Variants in PALM observed in about 807,000 individuals in gnomAD.
PALM encodes paralemmin-1.
Under a neutral mutation model 30.7 loss-of-function variants are expected in PALM, and 18 were observed. The ratio of observed to expected loss-of-function variants is 0.59; its 90% CI spans 0.41 to 0.87. The LOEUF (loss-of-function observed/expected upper bound fraction) is 0.87. Among genes scored for constraint, PALM ranks in the 40% least tolerant of loss-of-function variants. The probability of loss-of-function intolerance (pLI) is 0.00; values close to 1 mark genes in which losing one functional copy is unlikely to be tolerated. For synonymous variants in PALM, 286 were observed against 242.8 expected, an observed-to-expected ratio of 1.18 and a Z score of -1.66; for missense variants, 529 against 555.4, an observed-to-expected ratio of 0.95 and a Z score of 0.48.
chr19:743,069 G>T (rs1225709493), intron 8 of PALM, among the ~76,000 whole-genome samples: 1 of 152,152 alleles, frequency 6.6e-6, no homozygotes, highest in African/African-American at 2.4e-5. Flanking sequence ...CATTCTCGTG[G>T]CTGTCCTGGT....
chr19:721,675 G>GT (rs1394580031), intron 1 of PALM, among the ~76,000 whole-genome samples: 1 of 151,458 alleles, frequency 6.6e-6, no homozygotes, highest in Non-Finnish European at 1.5e-5. Context: ...TCGGCTCACC[G>GT]TGACTTCTGC....
rs2033367313 is a variant in PALM at position 746,962 on chromosome 19, G to A, written c.*148G>A. The A allele has an allele frequency of 1.6e-6, 1 of 623,248 alleles. No individual in the cohort carries two copies. Among genetic ancestry groups the A allele is most frequent in the Non-Finnish European group, 2.8e-6 (1 of 359,042 alleles). 38.6% of individuals were successfully genotyped at this position (623,248 alleles called of 1,614,324 possible). A position where few individuals can be genotyped will look rare whatever the true frequency, so the allele number is the denominator to read the frequency against. Reference sequence around the variant, plus strand: ...TGTTCCTTCCGAGTTTTCTTTCGCTGGAAAGAGGGACAGGGGCCCCCACCC... The same window carrying A: ...TGTTCCTTCCGAGTTTTCTTTCGCTAGAAAGAGGGACAGGGGCCCCCACCC... On this transcript the variant is annotated 3_prime_UTR_variant, in exon 9 of 9. Coordinates refer to ENST00000338448, the MANE Select transcript of PALM (RefSeq NM_002579.3). This position sits in a 1 kb window ranked among gnomAD's most constrained non-coding sequence, Gnocchi z 7.1.
intron 8 of PALM, among the ~76,000 whole-genome samples, chr19:741,152 A>G (rs879146025): frequency 6.6e-6 from 1 of 152,076 alleles, no homozygotes; most frequent in East Asian, 1.9e-4. Context: ...AGAATAAAAA[A>G]TAATAATAAA....
intron 7 of PALM, 184 bp downstream of exon 7, chr19:736,262 T>G (rs1402785774): frequency 3.8e-6 from 2 of 530,844 alleles, no homozygotes; most frequent in Non-Finnish European, 6.6e-6. Flanking sequence ...GGGGGCCCCC[T>G]CTGCTTTGTT....
intron 1 of PALM, chr19:711,106 T>C: frequency 1.4e-6 from 1 of 717,288 alleles, no homozygotes; most frequent in African/African-American, 1.9e-5. Flanking sequence ...TTTAAAGAAT[T>C]TTAAATGTCA....
Position 746,735 on chromosome 19 carries a change from C to T in PALM, c.1085C>T (p.Ala362Val), listed in dbSNP as rs202021174. ...GCCGCCTCCAGGGAAGAGAATCAGG[C>T]GGGGCCCGAGGCCACCACCAGCGAC... ...TEAASREENQAGPEATTSDPQ... is the reference protein window; with the variant it reads ...TEAASREENQVGPEATTSDPQ... Residue 362 changes from alanine to valine, a missense_variant, in exon 9 of 9, where the codon GCG (alanine) becomes GTG (valine). Ala to Val is a moderately conservative substitution (Grantham distance 64). Coordinates refer to ENST00000338448, the MANE Select transcript of PALM (RefSeq NM_002579.3). The surrounding 1 kb of genome is among the most constrained non-coding windows in gnomAD (Gnocchi z 7.1). 4.3e-5 allele frequency: 69 copies of T among 1,602,302 alleles called. No homozygotes were observed. The East Asian group carries it at 9.7e-4, about 22-fold the overall frequency.
At position 726,963 on chromosome 19, in the gene PALM, G is replaced by A. The variant is rs199977396; in HGVS notation, c.58-45G>A. ...CTTGTGTGGGGGTGGGGGGGTCTCC[G>A]GGACCCCCACGCCCATCCCTGACCC... On this transcript the variant is annotated intron_variant, in intron 2 of 8. Transcript: ENST00000338448. 2.7e-4 allele frequency: 320 copies of A among 1,177,872 alleles called. 3 individuals are homozygous for A. The East Asian group carries it at 5.3e-3, about 20-fold the overall frequency. 73.0% of individuals were successfully genotyped at this position (1,177,872 alleles called of 1,614,324 possible).
intron 1 of PALM, among the ~76,000 whole-genome samples, chr19:715,433 C>T (rs559599960): frequency 6.6e-6 from 1 of 152,334 alleles, no homozygotes; most frequent in East Asian, 1.9e-4. Flanking sequence ...GAAAGCTATG[C>T]AGCATCTTCT....
chr19:713,109 C>G (rs893206842), intron 1 of PALM, among the ~76,000 whole-genome samples: 3 of 152,136 alleles, frequency 2.0e-5, no homozygotes, highest in Admixed American at 6.6e-5. Flanking sequence ...CGAGCATGCT[C>G]TCTCTAAGCC....
intron 1 of PALM, among the ~76,000 whole-genome samples, chr19:721,593 TTG>T (rs2032484538): frequency 6.6e-6 from 1 of 151,108 alleles, no homozygotes; most frequent in African/African-American, 2.4e-5. Context: ...AAAAAATTTT[TTG>T]TTTGTTTGTT....
At position 744,895 on chromosome 19, in the gene PALM, AAGC is replaced by A. The variant is rs540457080; in HGVS notation, c.635-1384_635-1382del. Among the ~76,000 whole-genome samples, 76 of 122,458 alleles carry A rather than the reference AAGC, an allele frequency of 6.2e-4. 1 individual carries two copies. The highest frequency in any genetic ancestry group is 4.7e-3 in the Middle Eastern group (1 of 214). 80.3% of individuals were successfully genotyped at this position (122,458 alleles called of 152,430 possible). A position where few individuals can be genotyped will look rare whatever the true frequency, so the allele number is the denominator to read the frequency against. ...GGCGACAGAGGGAGTCAAAAAAAAA[AAGC>A]AGCAGGCACGGTGGCTCACGTGTGT... On this transcript the variant is annotated intron_variant, in intron 8 of 8. Transcript: ENST00000338448.
chr19:715,259 G>A (rs987367586), intron 1 of PALM, among the ~76,000 whole-genome samples: 10 of 151,986 alleles, frequency 6.6e-5, no homozygotes, highest in Admixed American at 2.6e-4. Flanking sequence ...CAGACAGAGC[G>A]AGACTCCGTC....
chr19:736,174 C>T (rs1226733311), intron 7 of PALM, 96 bp downstream of exon 7: 23 of 816,552 alleles, frequency 2.8e-5, no homozygotes, highest in East Asian at 1.6e-4. Context: ...CGACACCGAC[C>T]TGCTCTCCGC....
At chr19:731,703 C>T (rs937072822) in intron 5 of PALM, among the ~76,000 whole-genome samples, 1 of 152,098 alleles carries the variant, frequency 6.6e-6, no homozygotes. Context: ...GAGACTCGTT[C>T]TGTTGCCCAG....
intron 3 of PALM, 112 bp downstream of exon 3, chr19:727,200 C>G: frequency 1.4e-6 from 1 of 740,608 alleles, no homozygotes; most frequent in East Asian, 2.7e-5. Context: ...GACCCTGACC[C>G]TGCCTCCAGC....
chr19:733,011 C>G (rs1033334876), intron 5 of PALM, among the ~76,000 whole-genome samples: 1 of 152,018 alleles, frequency 6.6e-6, no homozygotes, highest in African/African-American at 2.4e-5. Context: ...TCAGCAACCT[C>G]TACCTCCTGG....
At chr19:723,471 C>G (rs938304786) in intron 1 of PALM, among the ~76,000 whole-genome samples, 1 of 152,182 alleles carries the variant, frequency 6.6e-6, no homozygotes, top group African/African-American at 2.4e-5. Flanking sequence ...ACCGCCAACC[C>G]CTACCGTCCT....
intron 1 of PALM, among the ~76,000 whole-genome samples, chr19:711,566 A>G (rs1421910132): frequency 2.6e-5 from 4 of 152,214 alleles, no homozygotes; most frequent in African/African-American, 9.6e-5. Flanking sequence ...GAGCCTGTTA[A>G]AAGGCAACAG....
intron 4 of PALM, among the ~76,000 whole-genome samples, chr19:728,019 CG>C (rs1476294538): frequency 2.1e-5 from 2 of 94,740 alleles, no homozygotes; most frequent in Non-Finnish European, 4.1e-5. Flanking sequence ...AGCTGGCCAG[CG>C]GGGGACGTGA....
Sources: gnomAD v4.1 joint callset for allele counts (sites outside exome capture counted in the v4.1 genomes callset) on GRCh38, gnomAD v4.1.1 for gene constraint, Gnocchi (gnomAD v3.1) non-coding constraint, MANE v1.5 for transcripts, NCBI Gene and HGNC (gene_info 2026-07-23, HGNC 2026-07-21) for gene names.